LITAF: variants seen among roughly 807,000 people sequenced by gnomAD.
LITAF encodes the protein lipopolysaccharide-induced tumor necrosis factor-alpha factor.
In LITAF, 9 loss-of-function variants were observed where a neutral mutation model predicts 14.5. The ratio of observed to expected loss-of-function variants is 0.62; its 90% CI spans 0.37 to 1.08. LITAF has a LOEUF of 1.08. Among genes scored for constraint, LITAF ranks in the 50% least tolerant of loss-of-function variants. LITAF has a pLI of 0.01. For missense variants in LITAF, 206 were observed against 213.4 expected, an observed-to-expected ratio of 0.97 and a Z score of 0.22; for synonymous variants, 98 against 88.2, an observed-to-expected ratio of 1.11 and a Z score of -0.62.
At chr16:11,568,546 G>T (rs2064492029) in intron 1 of LITAF, among the ~76,000 whole-genome samples, 1 of 152,046 alleles carries the variant, frequency 6.6e-6, no homozygotes, top group African/African-American at 2.4e-5. Flanking sequence ...TAACTTGCTG[G>T]TACCCAAAGA....
At chr16:11,599,886 C>A (rs767592781), upstream of LITAF, among the ~76,000 whole-genome samples, 1 of 152,156 alleles carries the variant, frequency 6.6e-6, no homozygotes, top group Non-Finnish European at 1.5e-5. Flanking sequence ...CAAACCTGTG[C>A]TCAAACACCA....
intron 3 of LITAF, among the ~76,000 whole-genome samples, chr16:11,629,531 C>T (rs1376366999): frequency 6.6e-6 from 1 of 152,090 alleles, no homozygotes; most frequent in African/African-American, 2.4e-5. Context: ...CTTCTGGGGT[C>T]CCTCTGGGCT....
At chr16:11,582,319 G>GAAAAAAAAAAAAAAAAAAAAAAAAAA (rs35892278) in intron 1 of LITAF, among the ~76,000 whole-genome samples, 1 of 100,094 alleles carries the variant, frequency 1.0e-5, no homozygotes, top group Non-Finnish European at 2.1e-5. Flanking sequence ...ACTCACAACG[G>GAAAAAAAAAAAAAAAAAAAAAAAAAA]AAAAAAAAAA....
intron 3 of LITAF, among the ~76,000 whole-genome samples, chr16:11,631,414 G>A (rs900846481): frequency 2.9e-4 from 44 of 152,090 alleles, no homozygotes; most frequent in Admixed American, 1.3e-4. Context: ...TGTTGTTGTT[G>A]AGACAGGGTC....
intron 1 of LITAF, among the ~76,000 whole-genome samples, chr16:11,583,993 G>C (rs2064774585): frequency 6.6e-6 from 1 of 152,176 alleles, no homozygotes; most frequent in African/African-American, 2.4e-5. Flanking sequence ...CCTGTGTCCA[G>C]AGTGTCAATC....
chr16:11,584,451 T>C (rs2064780272), intron 1 of LITAF: 1 of 152,204 alleles, frequency 6.6e-6, no homozygotes, highest in South Asian at 2.1e-4. Flanking sequence ...GTTTATTTTC[T>C]TGAAAATTAA....
At chr16:11,591,676 C>T (rs991645746), upstream of LITAF, among the ~76,000 whole-genome samples, 6 of 152,144 alleles carry the variant, frequency 3.9e-5, no homozygotes, top group South Asian at 2.1e-4. Flanking sequence ...AGTCTCACTC[C>T]GTCACCCAGG....
rs374757371 is a variant in LITAF, at chr16:11,568,673, G to GTTTT, written c.-5-11942_-5-11939dup. ...CTTGTGACACTGAAGGTACACCCTT[G>GTTTT]TTTTTTTTTGTTTTTTTTTTTTTTG... On this transcript the variant is annotated intron_variant, in intron 1 of 3. Transcript: ENST00000622633. Among the ~76,000 whole-genome samples the GTTTT allele has an allele frequency of 2.2e-3, 261 of 116,268 alleles. 8 individuals are homozygous for GTTTT. The highest frequency in any genetic ancestry group is 3.2e-3 in the Non-Finnish European group (181 of 56,904). 76.3% of individuals were successfully genotyped at this position (116,268 alleles called of 152,430 possible). A position where few individuals can be genotyped will look rare whatever the true frequency, so the allele number is the denominator to read the frequency against.
chr16:11,573,444 C>A (rs1439780856), intron 1 of LITAF, among the ~76,000 whole-genome samples: 1 of 152,064 alleles, frequency 6.6e-6, no homozygotes, highest in Non-Finnish European at 1.5e-5. Context: ...TGGCAATAAC[C>A]CCCACATGTG....
At chr16:11,565,410 C>A (rs1350233748) in intron 1 of LITAF, among the ~76,000 whole-genome samples, 4 of 114,652 alleles carry the variant, frequency 3.5e-5, no homozygotes, top group African/African-American at 1.0e-4. Context: ...AAATGGTTAT[C>A]TTTATGTGAC....
At chr16:11,587,646 T>C (rs375190216), upstream of LITAF, 52 of 225,266 alleles carry the variant, frequency 2.3e-4, no homozygotes, top group East Asian at 7.6e-3. Flanking sequence ...GGTAGGCCTT[T>C]CTCAGCCATC....
chr16:11,637,114 C>G (rs533899044), upstream of LITAF, among the ~76,000 whole-genome samples: 1 of 152,342 alleles, frequency 6.6e-6, no homozygotes, highest in South Asian at 2.1e-4. Context: ...TGGTCTCAAA[C>G]TCCTGATCTC....
At position 11,586,277 on chromosome 16, in the gene LITAF, C is replaced by T. The variant is rs2141841872; in HGVS notation, c.-6+609G>A. On this transcript the variant is annotated intron_variant, in intron 1 of 3. Transcript: ENST00000622633. The surrounding 1 kb of genome is among the most constrained non-coding windows in gnomAD (Gnocchi z 6.5). ...GGGGTCAGGCCTAGGGGCCACGGCC[C>T]GCTTCGCTCTCTGATTTTCACCTCC... 3.3e-5 allele frequency: 5 copies of T among 152,366 alleles called. No individual in the cohort carries two copies. The highest frequency in any genetic ancestry group is 3.3e-4 in the Admixed American group (5 of 15,308). 9.4% of individuals were successfully genotyped at this position (152,366 alleles called of 1,614,324 possible). A position where few individuals can be genotyped will look rare whatever the true frequency, so the allele number is the denominator to read the frequency against.
chr16:11,603,096 C>A (rs945798558), upstream of LITAF, among the ~76,000 whole-genome samples: 1 of 152,002 alleles, frequency 6.6e-6, no homozygotes, highest in African/African-American at 2.4e-5. Flanking sequence ...CCTGGGCAAT[C>A]TAGAAAATAA....
chr16:11,590,597 A>G (rs1465104684), upstream of LITAF, among the ~76,000 whole-genome samples: 1 of 118,316 alleles, frequency 8.5e-6, no homozygotes, highest in Admixed American at 8.2e-5. Flanking sequence ...ATACTTTTAC[A>G]GCAACATCTA....
At chr16:11,577,747 A>G (rs904405320) in intron 1 of LITAF, among the ~76,000 whole-genome samples, 6 of 147,538 alleles carry the variant, frequency 4.1e-5, no homozygotes, top group African/African-American at 1.5e-4. Flanking sequence ...ACAGGGTCTC[A>G]CTCTGTCACC....
At chr16:11,577,402 C>G (rs1461439149) in intron 1 of LITAF, among the ~76,000 whole-genome samples, 2 of 149,992 alleles carry the variant, frequency 1.3e-5, no homozygotes. Flanking sequence ...ACTGCAAGCT[C>G]CACCTTCCAG....
chr16:11,601,975 T>C (rs1381562681), upstream of LITAF, among the ~76,000 whole-genome samples: 1 of 152,116 alleles, frequency 6.6e-6, no homozygotes, highest in African/African-American at 2.4e-5. Flanking sequence ...CCACATGACC[T>C]CAATAGTGAT....
In LITAF at chr16:11,556,749, A is replaced by G; in HGVS notation, c.-5-14T>C. On this transcript the variant is annotated splice_polypyrimidine_tract_variant and intron_variant, in intron 1 of 3. Coordinates refer to ENST00000622633, the MANE Select transcript of LITAF (RefSeq NM_001136472.2). Reference sequence around the variant, plus strand: ...CCGACATTTTACCTAAAACAGAAACAGAACATACCAGATAAGAAATTCAGT... The same window carrying G: ...CCGACATTTTACCTAAAACAGAAACGGAACATACCAGATAAGAAATTCAGT... 5 of 1,596,478 alleles carry G rather than the reference A, an allele frequency of 3.1e-6. No individual in the cohort carries two copies. Among genetic ancestry groups the G allele is most frequent in the East Asian group, 2.2e-5 (1 of 44,786 alleles).
Sources: gnomAD v4.1 joint callset for allele counts (sites outside exome capture counted in the v4.1 genomes callset) on GRCh38, gnomAD v4.1.1 for gene constraint, Gnocchi (gnomAD v3.1) non-coding constraint, MANE v1.5 for transcripts, NCBI Gene and HGNC (gene_info 2026-07-23, HGNC 2026-07-21) for gene names.